Variants in FBXO34 observed in about 807,000 individuals in gnomAD.
FBXO34 encodes F-box only protein 34.
FBXO34 carries 12 observed loss-of-function variants against 24.5 expected under a neutral mutation model. The observed-to-expected ratio is 0.49, with a 90% CI of 0.31 to 0.79. The LOEUF is 0.79. FBXO34 is among the 30% of genes least tolerant of loss of function. The pLI is 0.04. For synonymous variants in FBXO34, 320 were observed against 311.9 expected (o/e 1.03, Z -0.27); for missense variants, 823 against 857.7 (o/e 0.96, Z 0.51).
rs58521891 is a variant in FBXO34 at position 55,339,967 on chromosome 14, T to A, written c.-10-10414T>A. Reference sequence around the variant, plus strand: ...TGGTAAACACTATGGGGCCTATTTCTGAAGTAATTCCCCACCCCCTTCACT... The same window carrying A: ...TGGTAAACACTATGGGGCCTATTTCAGAAGTAATTCCCCACCCCCTTCACT... On this transcript the variant is annotated intron_variant, in intron 1 of 1. Coordinates refer to ENST00000313833, the MANE Select transcript of FBXO34 (RefSeq NM_017943.4). 5.4e-3 allele frequency among the ~76,000 whole-genome samples: 819 copies of A among 152,330 alleles called. 8 individuals carry two copies. The highest frequency in any genetic ancestry group is 0.019 in the African/African-American group (780 of 41,564).
At chr14:55,411,509 T>C in the FBXO34 span, 8 of 1,241,852 alleles carry the variant, frequency 6.4e-6, no homozygotes, top group African/African-American at 1.2e-4. Context: ...TGGTATCTGG[T>C]GCCCGGACGG....
the FBXO34 span, among the ~76,000 whole-genome samples, chr14:55,399,723 A>C: frequency 2.0e-5 from 3 of 152,232 alleles, no homozygotes; most frequent in Non-Finnish European, 4.4e-5. Flanking sequence ...GAAAATAATA[A>C]ACTCACAAGT....
At chr14:55,345,520 C>G (rs1884130771) in intron 1 of FBXO34, among the ~76,000 whole-genome samples, 1 of 152,196 alleles carries the variant, frequency 6.6e-6, no homozygotes, top group Non-Finnish European at 1.5e-5. Flanking sequence ...GTCCCCTTCT[C>G]CCTCTTCATC....
At chr14:55,390,590 C>G in the FBXO34 span, among the ~76,000 whole-genome samples, 1 of 152,128 alleles carries the variant, frequency 6.6e-6, no homozygotes, top group Non-Finnish European at 1.5e-5. Flanking sequence ...TCAGGATGGT[C>G]TCGATCTCCT....
the FBXO34 span, chr14:55,433,768 A>G: frequency 7.1e-6 from 11 of 1,546,698 alleles, no homozygotes; most frequent in African/African-American, 1.4e-4. Flanking sequence ...AGGAGTTAAC[A>G]TTATCCCAGT....
intron 1 of FBXO34, among the ~76,000 whole-genome samples, chr14:55,280,453 C>G (rs750571425): frequency 4.0e-5 from 6 of 150,726 alleles, no homozygotes; most frequent in Admixed American, 4.0e-4. Context: ...TTTAAGTAAT[C>G]TAGAGTTTGT....
chr14:55,410,357 G>A, the FBXO34 span, among the ~76,000 whole-genome samples: 1 of 152,224 alleles, frequency 6.6e-6, no homozygotes, highest in African/African-American at 2.4e-5. Context: ...CAGACAAGAA[G>A]GTCCAGAACC....
downstream of FBXO34, among the ~76,000 whole-genome samples, chr14:55,356,162 A>G (rs946233501): frequency 6.6e-6 from 1 of 152,186 alleles, no homozygotes; most frequent in Non-Finnish European, 1.5e-5. Flanking sequence ...CCTTCGTGCC[A>G]ACCTTTTTGG....
chr14:55,278,975 C>T (rs983173194), intron 1 of FBXO34, among the ~76,000 whole-genome samples: 7 of 152,148 alleles, frequency 4.6e-5, no homozygotes, highest in Non-Finnish European at 7.4e-5. Context: ...GCGTGAGCCA[C>T]CATGCCCACC....
chr14:55,435,977 GA>G, the FBXO34 span: 6 of 1,084,992 alleles, frequency 5.5e-6, no homozygotes, highest in Non-Finnish European at 6.4e-6. Context: ...CAGATATAAA[GA>G]GTAAAAAAAA....
the FBXO34 span, among the ~76,000 whole-genome samples, chr14:55,386,359 G>A: frequency 1.3e-5 from 2 of 152,140 alleles, no homozygotes; most frequent in Non-Finnish European, 2.9e-5. Flanking sequence ...AACAACTATC[G>A]AGTTTAAGTT....
chr14:55,318,018 C>T (rs541603535), intron 1 of FBXO34, among the ~76,000 whole-genome samples: 1 of 152,144 alleles, frequency 6.6e-6, no homozygotes, highest in Admixed American at 6.6e-5. Flanking sequence ...AATTTCTGAA[C>T]GTTTTGTAAG....
the FBXO34 span, among the ~76,000 whole-genome samples, chr14:55,399,424 C>T: frequency 6.6e-6 from 1 of 152,158 alleles, no homozygotes; most frequent in Admixed American, 6.5e-5. Flanking sequence ...AGTAAGGTGG[C>T]AACAGCATGA....
the FBXO34 span, among the ~76,000 whole-genome samples, chr14:55,439,869 T>TGCA: frequency 7.0e-6 from 1 of 142,386 alleles, no homozygotes; most frequent in South Asian, 2.2e-4. Context: ...AGGCAGAGCT[T>TGCA]GCAGTGAGCC....
At chr14:55,433,567 T>C in the FBXO34 span, 6 of 1,480,044 alleles carry the variant, frequency 4.1e-6, 1 homozygote, top group Admixed American at 1.1e-4. Flanking sequence ...ATTAATTCTA[T>C]GCTTCCTTGT....
At chr14:55,341,638 T>C (rs1383498638) in intron 1 of FBXO34, among the ~76,000 whole-genome samples, 1 of 152,260 alleles carries the variant, frequency 6.6e-6, no homozygotes, top group African/African-American at 2.4e-5. Flanking sequence ...AATGTATTTT[T>C]CAAAATGTAT....
At chr14:55,298,925 C>T in intron 1 of FBXO34, 1 of 1,578,166 alleles carries the variant, frequency 6.3e-7, no homozygotes, top group South Asian at 1.1e-5. Context: ...CCGAGGTGCT[C>T]AAGAACATGG....
chr14:55,311,949 C>T (rs1435674955), intron 1 of FBXO34, among the ~76,000 whole-genome samples: 1 of 152,080 alleles, frequency 6.6e-6, no homozygotes, highest in Non-Finnish European at 1.5e-5. Context: ...GTCTGTAATC[C>T]CCAGCACTTT....
the FBXO34 span, among the ~76,000 whole-genome samples, chr14:55,405,507 C>T: frequency 1.3e-5 from 2 of 152,206 alleles, no homozygotes; most frequent in South Asian, 2.1e-4. Flanking sequence ...TTTTAATCCA[C>T]ATGTGAAAAT....
Sources: allele counts gnomAD v4.1 joint callset (sites outside exome capture counted in the v4.1 genomes callset), GRCh38; gene constraint gnomAD v4.1.1; transcripts MANE v1.5; gene names NCBI Gene and HGNC (gene_info 2026-07-23, HGNC 2026-07-21).